COG3: variants seen among roughly 807,000 people sequenced by gnomAD.
COG3 encodes the protein component of oligomeric golgi complex 3.
COG3 carries 32 observed loss-of-function variants against 114.1 expected under a neutral mutation model. The observed-to-expected ratio is 0.28, with a 90% CI of 0.21 to 0.38. The LOEUF is 0.38. Among genes scored for constraint, COG3 ranks in the 10% least tolerant of loss-of-function variants. COG3 has a pLI of 1.00. For missense variants in COG3, 813 were observed against 973.2 expected, an observed-to-expected ratio of 0.84 and a Z score of 2.19; for synonymous variants, 352 against 365.7, an observed-to-expected ratio of 0.96 and a Z score of 0.43.
At chr13:45,500,040 A>ATGTG (rs1273258218) in intron 13 of COG3, among the ~76,000 whole-genome samples, 18 of 136,788 alleles carry the variant, frequency 1.3e-4, no homozygotes, top group Non-Finnish European at 2.4e-4. Flanking sequence ...ATATATATGT[A>ATGTG]TGTGTGTGTG....
chr13:45,469,227 C>G (rs1234030735), intron 1 of COG3, among the ~76,000 whole-genome samples: 2 of 152,128 alleles, frequency 1.3e-5, no homozygotes, highest in African/African-American at 4.8e-5. Flanking sequence ...TATATTTACT[C>G]ACATCTAGGT....
At chr13:45,523,149 G>GTT (rs68132374) in intron 19 of COG3, among the ~76,000 whole-genome samples, 4 of 143,392 alleles carry the variant, frequency 2.8e-5, no homozygotes, top group African/African-American at 2.5e-5. Flanking sequence ...GCTTAAAAGT[G>GTT]TTTTTTTTTT....
intron 19 of COG3, among the ~76,000 whole-genome samples, chr13:45,522,183 T>A (rs1206769553): frequency 6.6e-6 from 1 of 152,114 alleles, no homozygotes; most frequent in Non-Finnish European, 1.5e-5. Context: ...GATGGGAAAG[T>A]CTTTCATCTC....
At chr13:45,488,487 A>G (rs1436308245) in intron 8 of COG3, among the ~76,000 whole-genome samples, 2 of 152,234 alleles carry the variant, frequency 1.3e-5, no homozygotes, top group African/African-American at 4.8e-5. Flanking sequence ...CATGTACCCC[A>G]TAAATATGTA....
rs536116777 is a variant in COG3 at position 45,516,422 on chromosome 13, A to G, written c.1930+159A>G. On this transcript the variant is annotated intron_variant, in intron 17 of 22. Transcript: ENST00000349995. ...TACTAAGCTGAGCTGTCACCATGCT[A>G]ATGACTTCTAACTTGCTGTATTTTC... Among the ~76,000 whole-genome samples, 165 of 152,330 alleles carry G rather than the reference A, an allele frequency of 1.1e-3. 1 individual carries two copies. The highest frequency in any genetic ancestry group is 3.8e-3 in the African/African-American group (159 of 41,566).
rs1440223953 is a variant in COG3 at position 45,465,087 on chromosome 13, C to A, written c.51C>A (p.Asp17Glu). 1.2e-6 allele frequency: 2 copies of A among 1,608,718 alleles called. No homozygotes were observed. Among genetic ancestry groups the A allele is most frequent in the Non-Finnish European group, 1.7e-6 (2 of 1,178,382 alleles). ...TGCCTGAGGCGGCGGCGGAGCGGGA[C>A]GCTAGGGAAAAGCTGGCTCTCTGGG... ...LLLPEAAAER[D>E]AREKLALWDR... Residue 17 changes from aspartate (D) to glutamate (E), a missense_variant, in exon 1 of 23, where the codon GAC (aspartate) becomes GAA (glutamate). Asp to Glu is a conservative substitution (Grantham distance 45, BLOSUM62 2). This residue lies in a region of COG3 where 424 missense variants were observed against 430.6 expected (regional missense o/e 0.98). Coordinates refer to ENST00000349995, the MANE Select transcript of COG3 (RefSeq NM_031431.4).
At chr13:45,468,118 A>G (rs1885260167) in intron 1 of COG3, among the ~76,000 whole-genome samples, 1 of 152,218 alleles carries the variant, frequency 6.6e-6, no homozygotes, top group Non-Finnish European at 1.5e-5. Context: ...GAATTTAGTA[A>G]TTCTTGATAA....
intron 14 of COG3, among the ~76,000 whole-genome samples, chr13:45,504,632 A>G: frequency 6.6e-6 from 1 of 152,192 alleles, no homozygotes; most frequent in Non-Finnish European, 1.5e-5. Context: ...AGAGAAATAC[A>G]GAGATGAGGG....
At chr13:45,514,563 A>G (rs1452464712) in intron 16 of COG3, among the ~76,000 whole-genome samples, 4 of 152,156 alleles carry the variant, frequency 2.6e-5, no homozygotes, top group Admixed American at 2.0e-4. Flanking sequence ...TGTTTCCTAC[A>G]TATTATAAGA....
rs752865576 is a variant in COG3 at position 45,486,479 on chromosome 13, C to G, written c.844-16C>G. The G allele has an allele frequency of 6.7e-7, 1 of 1,494,476 alleles. No individual in the cohort carries two copies. Among genetic ancestry groups the G allele is most frequent in the Non-Finnish European group, 9.3e-7 (1 of 1,071,748 alleles). 92.6% of individuals were successfully genotyped at this position (1,494,476 alleles called of 1,614,324 possible). On this transcript the variant is annotated splice_polypyrimidine_tract_variant and intron_variant, in intron 7 of 22. Coordinates refer to ENST00000349995, the MANE Select transcript of COG3 (RefSeq NM_031431.4). ...CTAATTATCTTCCTTCCTTATCCTC[C>G]CCCATGTTTCTTTAGGATCCTTCAT...
At chr13:45,465,377 C>A in intron 1 of COG3, 167 bp downstream of exon 1, 2 of 1,180,980 alleles carry the variant, frequency 1.7e-6, no homozygotes, top group Non-Finnish European at 2.3e-6. Flanking sequence ...GGCTGTCAGG[C>A]TTCGCTCTGC....
intron 9 of COG3, 127 bp from the exon 10 acceptor site, chr13:45,491,285 A>C: frequency 1.2e-6 from 1 of 840,176 alleles, no homozygotes; most frequent in Admixed American, 3.0e-5. Context: ...TTAAATAGTT[A>C]ATGTGGGCAA....
intron 15 of COG3, among the ~76,000 whole-genome samples, chr13:45,511,466 C>T (rs1461043058): frequency 2.0e-5 from 3 of 152,294 alleles, no homozygotes; most frequent in Non-Finnish European, 2.9e-5. Context: ...GCGAAGGCTC[C>T]GTGAGGTCAG....
intron 17 of COG3, among the ~76,000 whole-genome samples, chr13:45,517,599 C>T (rs1227938690): frequency 6.6e-6 from 1 of 151,444 alleles, no homozygotes; most frequent in African/African-American, 2.4e-5. Context: ...CTGGCTTTTG[C>T]CTTTACAGAA....
intron 8 of COG3, among the ~76,000 whole-genome samples, chr13:45,488,815 C>G (rs1464096827): frequency 4.6e-5 from 7 of 151,824 alleles, no homozygotes; most frequent in African/African-American, 1.7e-4. Context: ...ATTCTTTCTA[C>G]TCATTGTGAA....
rs386379016 is a variant in COG3, at chr13:45,526,076, A to ATTTTTTTTTTTTTTT, written c.2230+1041_2230+1055dup. On this transcript the variant is annotated intron_variant, in intron 20 of 22. Coordinates refer to ENST00000349995, the MANE Select transcript of COG3 (RefSeq NM_031431.4). ...GCTATTCAAAGCCTCCAAAATTTTA[A>ATTTTTTTTTTTTTTT]TTTTTTTTTTTTTTTTTTTTTTTTT... Among the ~76,000 whole-genome samples the ATTTTTTTTTTTTTTT allele has an allele frequency of 9.0e-4, 51 of 56,584 alleles. 10 individuals carry two copies. Among genetic ancestry groups the ATTTTTTTTTTTTTTT allele is most frequent in the African/African-American group, 1.5e-3 (21 of 14,056 alleles). The allele number at this position is 56,584 out of a possible 152,430, so 37.1% of individuals were successfully genotyped here.
intron 1 of COG3, among the ~76,000 whole-genome samples, chr13:45,465,990 G>C (rs987248544): frequency 2.0e-5 from 3 of 152,134 alleles, no homozygotes; most frequent in Non-Finnish European, 4.4e-5. Context: ...TTCCAGTTTT[G>C]AGGGCCAGGT....
intron 14 of COG3, among the ~76,000 whole-genome samples, chr13:45,508,848 G>A (rs1449976332): frequency 1.3e-5 from 2 of 152,132 alleles, no homozygotes; most frequent in South Asian, 4.1e-4. Context: ...GGGGAAGCCC[G>A]CTCTGGTCAC....
At chr13:45,476,075 C>A in intron 1 of COG3, 126 bp from the exon 2 acceptor site, 2 of 825,388 alleles carry the variant, frequency 2.4e-6, no homozygotes, top group Non-Finnish European at 3.9e-6. Context: ...TATTTATTAA[C>A]TTAATGTGAT....
Sources: allele counts gnomAD v4.1 joint callset (sites outside exome capture counted in the v4.1 genomes callset), GRCh38; gene constraint gnomAD v4.1.1; regional missense constraint gnomAD v4.1.1; transcripts MANE v1.5; gene names NCBI Gene and HGNC (gene_info 2026-07-23, HGNC 2026-07-21).